CLDN16: variants seen among roughly 807,000 people sequenced by gnomAD.
CLDN16 encodes the protein claudin-16.
In CLDN16, 13 loss-of-function variants were observed where a neutral mutation model predicts 24.6. The ratio of observed to expected loss-of-function variants is 0.53; its 90% confidence interval spans 0.34 to 0.84. The LOEUF (loss-of-function observed/expected upper bound fraction) is 0.84, where lower values mean the gene tolerates loss of function less well. Ranked by LOEUF, CLDN16 falls within the 40% of genes least tolerant of loss-of-function variation. The probability of loss-of-function intolerance (pLI) is 0.01; values close to 1 mark genes in which losing one functional copy is unlikely to be tolerated. For missense variants in CLDN16, 298 were observed against 292.7 expected, an observed-to-expected ratio of 1.02 and a Z score of -0.13; for synonymous variants, 116 against 106.7, an observed-to-expected ratio of 1.09 and a Z score of -0.54.
Position 190,410,049 on chromosome 3 carries a change from A to G in CLDN16, c.*13A>G, listed in dbSNP as rs756756376. 2.0e-5 allele frequency: 32 copies of G among 1,614,078 alleles called. No individual in the cohort carries two copies. In the East Asian group the frequency reaches 5.8e-4, roughly 29 times the overall value. ...CACAAGGGTGTAAAATGCACGTTTC[A>G]GGGTGTGTTTGCATATGATTTAATC... On this transcript the variant is annotated 3_prime_UTR_variant, in exon 5 of 5. Transcript: ENST00000264734.
At chr3:190,310,447 T>C in the CLDN16 span, among the ~76,000 whole-genome samples, 1 of 152,168 alleles carries the variant, frequency 6.6e-6, no homozygotes, top group African/African-American at 2.4e-5. Flanking sequence ...AAAAAAATAC[T>C]AGGTTGGCAT....
intron 1 of CLDN16, among the ~76,000 whole-genome samples, chr3:190,356,063 T>G (rs1043855524): frequency 6.6e-6 from 1 of 151,800 alleles, no homozygotes; most frequent in Admixed American, 6.6e-5. Flanking sequence ...CTCTTGAAAT[T>G]CAGGGTGAAG....
intron 1 of CLDN16, among the ~76,000 whole-genome samples, chr3:190,325,378 C>T (rs1384880931): frequency 6.6e-6 from 1 of 152,092 alleles, no homozygotes; most frequent in East Asian, 1.9e-4. Flanking sequence ...GTGTTTCTTG[C>T]TCCAGGCAGT....
the CLDN16 span, chr3:190,310,120 A>G: frequency 1.3e-6 from 2 of 1,490,450 alleles, no homozygotes; most frequent in Non-Finnish European, 1.9e-6. Flanking sequence ...AGAATATAAA[A>G]AGGGCATTTT....
intron 3 of CLDN16, among the ~76,000 whole-genome samples, chr3:190,378,412 A>G (rs751252331): frequency 6.6e-6 from 1 of 152,022 alleles, no homozygotes; most frequent in Non-Finnish European, 1.5e-5. Flanking sequence ...AGAACCTTCT[A>G]CCTTTCATGA....
chr3:190,401,576 A>G (rs1162290567), intron 1 of CLDN16, among the ~76,000 whole-genome samples: 1 of 152,174 alleles, frequency 6.6e-6, no homozygotes, highest in East Asian at 1.9e-4. Context: ...TACGGTTTGT[A>G]GATAAAGTAT....
intron 1 of CLDN16, among the ~76,000 whole-genome samples, chr3:190,395,809 A>G (rs1245560093): frequency 6.6e-6 from 1 of 152,066 alleles, no homozygotes; most frequent in African/African-American, 2.4e-5. Context: ...ACAAAAAATA[A>G]TCTTGATAGC....
chr3:190,322,095 C>A (rs1238202388), upstream of CLDN16: 1 of 1,614,222 alleles, frequency 6.2e-7, no homozygotes, highest in South Asian at 1.1e-5. Context: ...ACGATGTTGT[C>A]GCCGGCATAG....
intron 1 of CLDN16, among the ~76,000 whole-genome samples, chr3:190,336,715 A>C (rs1717314396): frequency 6.6e-6 from 1 of 152,218 alleles, no homozygotes; most frequent in African/African-American, 2.4e-5. Context: ...GGGTTTCATA[A>C]CAGGCTGCTG....
intron 1 of CLDN16, among the ~76,000 whole-genome samples, chr3:190,324,625 T>C (rs1445189093): frequency 6.6e-6 from 1 of 152,230 alleles, no homozygotes; most frequent in Admixed American, 6.5e-5. Context: ...GGATGAGTTC[T>C]GTGGTCAGCA....
intron 1 of CLDN16, among the ~76,000 whole-genome samples, chr3:190,349,251 T>C (rs1386597505): frequency 6.6e-6 from 1 of 152,148 alleles, no homozygotes; most frequent in Non-Finnish European, 1.5e-5. Context: ...GTTGTTCTCA[T>C]GATAGTGAGT....
the CLDN16 span, among the ~76,000 whole-genome samples, chr3:190,316,741 A>G: frequency 6.6e-6 from 1 of 152,220 alleles, no homozygotes; most frequent in East Asian, 1.9e-4. Context: ...TCAAATTTCA[A>G]TAAATTTAAA....
the CLDN16 span, among the ~76,000 whole-genome samples, chr3:190,314,938 G>C: frequency 6.6e-6 from 1 of 152,040 alleles, no homozygotes; most frequent in African/African-American, 2.4e-5. Context: ...CATGTTCCAC[G>C]GACCACAGGT....
chr3:190,309,029 A>C, the CLDN16 span, among the ~76,000 whole-genome samples: 2 of 152,140 alleles, frequency 1.3e-5, no homozygotes, highest in East Asian at 3.9e-4. Flanking sequence ...ATTATGGACA[A>C]TACGGAAGAG....
At chr3:190,312,992 G>A in the CLDN16 span, 1 of 1,614,136 alleles carries the variant, frequency 6.2e-7, no homozygotes, top group East Asian at 2.2e-5. Context: ...ATCACTCCCA[G>A]GAGGATGCCA....
At chr3:190,342,127 C>A (rs12631958) in intron 1 of CLDN16, among the ~76,000 whole-genome samples, 6 of 152,052 alleles carry the variant, frequency 3.9e-5, no homozygotes, top group Non-Finnish European at 7.4e-5. Flanking sequence ...CAAACTCTGC[C>A]TGTTACACAG....
At chr3:190,409,452 T>C (rs1007499366) in intron 4 of CLDN16, among the ~76,000 whole-genome samples, 1 of 151,900 alleles carries the variant, frequency 6.6e-6, no homozygotes, top group Non-Finnish European at 1.5e-5. Flanking sequence ...CATTTGAATA[T>C]TGGACATGGT....
intron 2 of CLDN16, 23 bp downstream of exon 2, chr3:190,402,462 T>G: frequency 1.9e-6 from 3 of 1,556,068 alleles, no homozygotes; most frequent in Non-Finnish European, 2.7e-6. Context: ...TAGAGCTCAC[T>G]GCTTGCCAGG....
chr3:190,363,556 G>GTGTGTGTGTATATATATATA (rs1301414615), intron 1 of CLDN16, among the ~76,000 whole-genome samples: 3 of 87,394 alleles, frequency 3.4e-5, no homozygotes, highest in African/African-American at 1.4e-4. Context: ...GTGTGTGTGT[G>GTGTGTGTGTATATATATATA]TATATATATA....
Sources: allele counts gnomAD v4.1 joint callset (sites outside exome capture counted in the v4.1 genomes callset), GRCh38; gene constraint gnomAD v4.1.1; transcripts MANE v1.5; gene names NCBI Gene and HGNC (gene_info 2026-07-23, HGNC 2026-07-21).